Variants in PPP2R5A observed in about 807,000 individuals in gnomAD.
PPP2R5A encodes protein phosphatase 2 regulatory subunit B'alpha.
In PPP2R5A, 25 loss-of-function variants were observed where a neutral mutation model predicts 64.2. The observed-to-expected ratio is 0.39, with a 90% CI of 0.28 to 0.54. The LOEUF (loss-of-function observed/expected upper bound fraction) is 0.54. PPP2R5A is among the 20% of genes least tolerant of loss of function. The pLI is 0.67. For missense variants in PPP2R5A, 425 were observed against 576.3 expected, an observed-to-expected ratio of 0.74 and a Z score of 2.69; for synonymous variants, 198 against 201.2, an observed-to-expected ratio of 0.98 and a Z score of 0.13.
chr1:212,337,323 G>A (rs79771521), intron 3 of PPP2R5A, among the ~76,000 whole-genome samples: 2,173 of 152,218 alleles, frequency 0.014, 50 homozygotes, highest in African/African-American at 0.048. Context: ...GGCAGATTGT[G>A]TATTTTCACT....
chr1:212,338,816 T>A (rs1659633385), intron 3 of PPP2R5A, among the ~76,000 whole-genome samples: 2 of 151,104 alleles, frequency 1.3e-5, no homozygotes, highest in African/African-American at 4.9e-5. Flanking sequence ...AACAAGACCA[T>A]AGAAAAACTT....
chr1:212,354,813 C>G (rs377458139), intron 8 of PPP2R5A, among the ~76,000 whole-genome samples: 3 of 152,112 alleles, frequency 2.0e-5, no homozygotes, highest in African/African-American at 4.8e-5. Flanking sequence ...TTTTACTGTA[C>G]CTTTCGTGTT....
chr1:212,335,483 A>G (rs1659577847), intron 3 of PPP2R5A, among the ~76,000 whole-genome samples: 1 of 151,974 alleles, frequency 6.6e-6, no homozygotes, highest in Non-Finnish European at 1.5e-5. Context: ...CTCAAAAAAA[A>G]AAAAAGAAAA....
At chr1:212,335,127 T>G (rs1417865281) in intron 3 of PPP2R5A, among the ~76,000 whole-genome samples, 1 of 152,104 alleles carries the variant, frequency 6.6e-6, no homozygotes, top group Non-Finnish European at 1.5e-5. Context: ...TGCTGATTTT[T>G]TTTTAATTTT....
chr1:212,305,556 TA>T (rs1658883771), intron 1 of PPP2R5A, among the ~76,000 whole-genome samples: 1 of 152,086 alleles, frequency 6.6e-6, no homozygotes, highest in African/African-American at 2.4e-5. Flanking sequence ...AGACACCTCT[TA>T]GGTGTGGTTG....
rs751228809 is a variant in PPP2R5A at position 212,316,587 on chromosome 1, C to CTTTTTTTTTTTTTTTTTTT, written c.182-12540_182-12522dup. ...ATGGATATTTAACCTTTGTGGGTGA[C>CTTTTTTTTTTTTTTTTTTT]TTTTTTTTTTTTTTTTTTTTTTTTT... On this transcript the variant is annotated intron_variant, in intron 1 of 12. Transcript: ENST00000261461. Among the ~76,000 whole-genome samples the CTTTTTTTTTTTTTTTTTTT allele has an allele frequency of 1.2e-3, 44 of 36,686 alleles. 3 individuals carry two copies. The highest frequency in any genetic ancestry group is 6.5e-3 in the East Asian group (5 of 764). 24.1% of individuals were successfully genotyped at this position (36,686 alleles called of 152,430 possible).
chr1:212,342,148 G>A (rs985140258), intron 3 of PPP2R5A, 40 bp from the exon 4 acceptor site: 3 of 1,605,854 alleles, frequency 1.9e-6, no homozygotes, highest in Non-Finnish European at 1.7e-6. Context: ...GTAATATTCT[G>A]TAGCCATCAT....
chr1:212,335,469 C>A (rs1659577210), intron 3 of PPP2R5A, among the ~76,000 whole-genome samples: 1 of 146,290 alleles, frequency 6.8e-6, no homozygotes, highest in East Asian at 2.0e-4. Flanking sequence ...GAGAGAAACT[C>A]CGGCTCAAAA....
intron 1 of PPP2R5A, among the ~76,000 whole-genome samples, chr1:212,293,177 T>C (rs1264080544): frequency 1.3e-5 from 2 of 152,242 alleles, no homozygotes; most frequent in Non-Finnish European, 2.9e-5. Context: ...AATGTAGGTT[T>C]AAAACAAAAG....
At chr1:212,356,043 G>A (rs1490093943) in intron 8 of PPP2R5A, among the ~76,000 whole-genome samples, 1 of 152,052 alleles carries the variant, frequency 6.6e-6, no homozygotes, top group South Asian at 2.1e-4. Context: ...CAACCTGGGC[G>A]ACAAAGTGAG....
chr1:212,340,049 G>A (rs138544291), intron 3 of PPP2R5A, among the ~76,000 whole-genome samples: 4,037 of 143,196 alleles, frequency 0.028, 80 homozygotes, highest in Non-Finnish European at 0.041. Flanking sequence ...TTACCAGCAC[G>A]TTAGGATGCT....
intron 1 of PPP2R5A, among the ~76,000 whole-genome samples, chr1:212,316,549 G>T (rs1482242298): frequency 7.7e-6 from 1 of 129,112 alleles, no homozygotes; most frequent in African/African-American, 2.8e-5. Context: ...GACTTCTGCT[G>T]ATAAGAAATT....
At chr1:212,298,872 C>G (rs1474105518) in intron 1 of PPP2R5A, among the ~76,000 whole-genome samples, 221 of 33,398 alleles carry the variant, frequency 6.6e-3, no homozygotes, top group Non-Finnish European at 7.8e-3. Context: ...GCTGGCCAGG[C>G]GGGGGGCTGA....
At chr1:212,296,155 C>G (rs1288382243) in intron 1 of PPP2R5A, among the ~76,000 whole-genome samples, 1 of 151,792 alleles carries the variant, frequency 6.6e-6, no homozygotes, top group Non-Finnish European at 1.5e-5. Context: ...TCAAGGATGA[C>G]TCTCACGTGC....
intron 1 of PPP2R5A, among the ~76,000 whole-genome samples, chr1:212,309,916 T>A (rs1658997166): frequency 6.6e-6 from 1 of 152,218 alleles, no homozygotes; most frequent in African/African-American, 2.4e-5. Context: ...CTCGGCTGTT[T>A]TAAATAATAT....
chr1:212,357,479 T>C, intron 11 of PPP2R5A, 195 bp downstream of exon 11: 1 of 487,374 alleles, frequency 2.1e-6, no homozygotes, highest in Non-Finnish European at 3.3e-6. Flanking sequence ...TTGTTCAGTA[T>C]GTGGTCTTAA....
intron 1 of PPP2R5A, among the ~76,000 whole-genome samples, chr1:212,306,094 A>G (rs1210743787): frequency 6.6e-6 from 1 of 152,064 alleles, no homozygotes; most frequent in Non-Finnish European, 1.5e-5. Context: ...CTGCCCCTGT[A>G]CCCTTTCCCC....
chr1:212,331,893 A>T (rs1215062869), intron 2 of PPP2R5A, among the ~76,000 whole-genome samples: 1 of 152,208 alleles, frequency 6.6e-6, no homozygotes, highest in East Asian at 1.9e-4. Flanking sequence ...TTAAAAATTT[A>T]TGAGTACTTA....
chr1:212,311,271 A>T (rs1026523961), intron 1 of PPP2R5A, among the ~76,000 whole-genome samples: 1 of 152,128 alleles, frequency 6.6e-6, no homozygotes, highest in Non-Finnish European at 1.5e-5. Context: ...GATCGAGACC[A>T]TCCTGGCTAA....
Sources: gnomAD v4.1 joint callset for allele counts (sites outside exome capture counted in the v4.1 genomes callset) on GRCh38, gnomAD v4.1.1 for gene constraint, MANE v1.5 for transcripts, NCBI Gene and HGNC (gene_info 2026-07-23, HGNC 2026-07-21) for gene names.